Variants in PTPRN2 observed in about 807,000 individuals in gnomAD.
PTPRN2 encodes the protein protein tyrosine phosphatase receptor type N2.
A neutral mutation model predicts 118.8 loss-of-function variants in PTPRN2; 74 were observed. That is an observed-to-expected ratio of 0.62 (90% CI 0.52 to 0.76). The LOEUF is 0.76. Among genes scored for constraint, PTPRN2 ranks in the 30% least tolerant of loss-of-function variants. PTPRN2 has a pLI of 0.00. For synonymous variants in PTPRN2, 641 were observed against 608.0 expected (o/e 1.05, Z -0.80); for missense variants, 1,481 against 1,394.4 (o/e 1.06, Z -0.99).
chr7:157,823,970 C>CT (rs1425217984), intron 12 of PTPRN2, among the ~76,000 whole-genome samples: 1 of 152,248 alleles, frequency 6.6e-6, no homozygotes, highest in East Asian at 1.9e-4. Flanking sequence ...GTGTTTTTTC[C>CT]TTTTTCCTCC....
intron 1 of PTPRN2, among the ~76,000 whole-genome samples, chr7:158,540,284 G>A (rs531442614): frequency 6.6e-6 from 1 of 152,296 alleles, no homozygotes; most frequent in Middle Eastern, 3.4e-3. Flanking sequence ...AGCGTATTAG[G>A]GTCTCCTGCC....
At chr7:158,465,291 G>A (rs1427766694) in intron 2 of PTPRN2, among the ~76,000 whole-genome samples, 1 of 152,114 alleles carries the variant, frequency 6.6e-6, no homozygotes, top group Non-Finnish European at 1.5e-5. Context: ...TCTCCCACTG[G>A]ATGTCTCTTC....
chr7:158,108,182 T>A (rs188391108), intron 10 of PTPRN2, among the ~76,000 whole-genome samples: 245 of 150,954 alleles, frequency 1.6e-3, no homozygotes, highest in Non-Finnish European at 2.4e-3. Flanking sequence ...AGCCTGCCAA[T>A]TAAAGCCCCA....
intron 2 of PTPRN2, among the ~76,000 whole-genome samples, chr7:158,333,460 C>G (rs1473549961): frequency 6.8e-6 from 1 of 147,138 alleles, no homozygotes; most frequent in Admixed American, 6.6e-5. Flanking sequence ...TCTCTCACAC[C>G]CACACTCTCT....
At position 157,943,708 on chromosome 7, in the gene PTPRN2, G is replaced by A. The variant is rs554650924; in HGVS notation, c.1724-44971C>T. ...ATGCCAAAGCTCCCAGAGGCCAAGCGCTCCCTACCCTGACGCCAAGGCCCC... is the reference window on the plus strand; with the variant it reads ...ATGCCAAAGCTCCCAGAGGCCAAGCACTCCCTACCCTGACGCCAAGGCCCC... On this transcript the variant is annotated intron_variant, in intron 11 of 22. Coordinates refer to ENST00000389418, the MANE Select transcript of PTPRN2 (RefSeq NM_002847.5). Among the ~76,000 whole-genome samples, 11 of 151,188 alleles carry A rather than the reference G, an allele frequency of 7.3e-5. No individual in the cohort carries two copies. In the South Asian group the frequency reaches 1.9e-3, roughly 26 times the overall value.
At chr7:158,483,871 C>T (rs1820809351) in intron 2 of PTPRN2, among the ~76,000 whole-genome samples, 1 of 152,120 alleles carries the variant, frequency 6.6e-6, no homozygotes, top group South Asian at 2.1e-4. Flanking sequence ...GGCGCAATGG[C>T]TCATGCCTGT....
chr7:157,766,323 T>A (rs918383417), intron 12 of PTPRN2, among the ~76,000 whole-genome samples: 3 of 144,252 alleles, frequency 2.1e-5, no homozygotes, highest in African/African-American at 7.7e-5. Flanking sequence ...CATCCACCCA[T>A]CCATCCTTCC....
intron 2 of PTPRN2, among the ~76,000 whole-genome samples, chr7:158,336,328 G>A (rs1805517144): frequency 7.0e-6 from 1 of 143,790 alleles, no homozygotes; most frequent in Non-Finnish European, 1.5e-5. Context: ...CATAAGAGGT[G>A]ACACCTGCAG....
chr7:157,825,750 C>T (rs898764803), intron 12 of PTPRN2, among the ~76,000 whole-genome samples: 1 of 152,178 alleles, frequency 6.6e-6, no homozygotes, highest in Non-Finnish European at 1.5e-5. Flanking sequence ...CTGAGAAAAC[C>T]TGGCTGGATC....
chr7:158,442,126 A>AGTGATGGTGGTGGCAGTGGTG (rs879730243), intron 2 of PTPRN2, among the ~76,000 whole-genome samples: 2,498 of 131,814 alleles, frequency 0.019, 23 homozygotes, highest in Non-Finnish European at 0.03. Flanking sequence ...TGGTGGTGAT[A>AGTGATGGTGGTGGCAGTGGTG]GTGATGGTGG....
intron 11 of PTPRN2, among the ~76,000 whole-genome samples, chr7:158,053,423 C>T (rs569866114): frequency 5.3e-5 from 8 of 152,194 alleles, no homozygotes; most frequent in African/African-American, 9.6e-5. Flanking sequence ...GTTTAATTAA[C>T]GTGTAGCTAA....
intron 2 of PTPRN2, among the ~76,000 whole-genome samples, chr7:158,474,448 G>C (rs1269557405): frequency 6.6e-6 from 1 of 152,182 alleles, no homozygotes; most frequent in Non-Finnish European, 1.5e-5. Context: ...GAAATTTAAG[G>C]GTTTAGAAAG....
intron 2 of PTPRN2, among the ~76,000 whole-genome samples, chr7:158,372,655 G>A (rs995635820): frequency 4.0e-5 from 6 of 151,610 alleles, no homozygotes; most frequent in South Asian, 2.1e-4. Context: ...GCTGGTTCCC[G>A]GAGCTGATCT....
At chr7:157,738,713 T>C (rs1211397435) in intron 12 of PTPRN2, among the ~76,000 whole-genome samples, 1 of 152,148 alleles carries the variant, frequency 6.6e-6, no homozygotes, top group Non-Finnish European at 1.5e-5. Flanking sequence ...GATACGTGCT[T>C]GTTTTAGGGT....
At position 158,371,188 on chromosome 7, in the gene PTPRN2, A is replaced by G. The variant is rs111649269; in HGVS notation, c.164-54256T>C. ...GATAACACGGCCAAGTGACCCTGAC[A>G]GCAACATGGATCTCCAATGGCTTAG... On this transcript the variant is annotated intron_variant, in intron 2 of 22. Coordinates refer to ENST00000389418, the MANE Select transcript of PTPRN2 (RefSeq NM_002847.5). Among the ~76,000 whole-genome samples, 442 of 152,344 alleles carry G rather than the reference A, an allele frequency of 2.9e-3. 4 individuals are homozygous for G. Among genetic ancestry groups the G allele is most frequent in the African/African-American group, 0.01 (428 of 41,570 alleles).
In PTPRN2 at chr7:158,022,311, G is replaced by C. The variant is rs1434235928; in HGVS notation, c.1723+58987C>G. The stretch of plus-strand genomic sequence containing the variant: ...GTTCCGAGCGTTTTCCATCCTTCCT[G>C]ACGGCCTCCACCACGAGACTTCAGG... On this transcript the variant is annotated intron_variant, in intron 11 of 22. Coordinates refer to ENST00000389418, the MANE Select transcript of PTPRN2 (RefSeq NM_002847.5). This position sits in a 1 kb window ranked among gnomAD's most constrained non-coding sequence, Gnocchi z 4.6. Among the ~76,000 whole-genome samples the C allele has an allele frequency of 6.6e-6, 1 of 152,182 alleles. No individual in the cohort carries two copies. Among genetic ancestry groups the C allele is most frequent in the Non-Finnish European group, 1.5e-5 (1 of 68,032 alleles).
intron 12 of PTPRN2, among the ~76,000 whole-genome samples, chr7:157,859,097 CCCG>C (rs1584889084): frequency 0.022 from 2 of 90 alleles, no homozygotes; most frequent in East Asian, 0.25. Flanking sequence ...CAGGGAGAGC[CCCG>C]TCACCACCCA....
intron 11 of PTPRN2, among the ~76,000 whole-genome samples, chr7:157,982,615 CT>C (rs1405249792): frequency 6.4e-5 from 9 of 140,252 alleles, no homozygotes; most frequent in Non-Finnish European, 7.8e-5. Flanking sequence ...AGGGTCCCCC[CT>C]AAACCCCGAG....
intron 13 of PTPRN2, among the ~76,000 whole-genome samples, chr7:157,660,327 T>C (rs1254344476): frequency 6.6e-6 from 1 of 152,118 alleles, no homozygotes; most frequent in African/African-American, 2.4e-5. Flanking sequence ...ATGGGAGAGC[T>C]ACAGTGAGGT....
Sources: gnomAD v4.1 joint callset for allele counts (sites outside exome capture counted in the v4.1 genomes callset) on GRCh38, gnomAD v4.1.1 for gene constraint, Gnocchi (gnomAD v3.1) non-coding constraint, MANE v1.5 for transcripts, NCBI Gene and HGNC (gene_info 2026-07-23, HGNC 2026-07-21) for gene names.